The following FSD1L variants were observed in gnomAD, a reference collection of about 807,000 sequenced individuals.
FSD1L encodes fibronectin type III and SPRY domain containing 1 like, also known as FSD1-like protein.
FSD1L carries 45 observed loss-of-function variants against 71.6 expected under a neutral mutation model. The observed-to-expected ratio is 0.63, with a 90% confidence interval of 0.49 to 0.81. The LOEUF is 0.81. FSD1L is among the 30% of genes least tolerant of loss of function. The pLI, the probability that FSD1L is intolerant of heterozygous loss-of-function variation, is 0.00. For synonymous variants in FSD1L, 197 were observed against 207.2 expected, an observed-to-expected ratio of 0.95 and a Z score of 0.42; for missense variants, 561 against 618.1, an observed-to-expected ratio of 0.91 and a Z score of 0.98.
chr9:105,465,681 A>G (rs753852408), intron 3 of FSD1L, among the ~76,000 whole-genome samples: 8 of 152,234 alleles, frequency 5.3e-5, no homozygotes, highest in Non-Finnish European at 1.0e-4. Flanking sequence ...TAGATGCAGA[A>G]AAAGAATTTG....
At chr9:105,492,607 G>A (rs1001907103) in intron 7 of FSD1L, among the ~76,000 whole-genome samples, 1 of 152,040 alleles carries the variant, frequency 6.6e-6, no homozygotes, top group Non-Finnish European at 1.5e-5. Context: ...GTGAATTTTG[G>A]ATCTTTTCTG....
At chr9:105,519,014 A>G (rs1422492418) in intron 10 of FSD1L, among the ~76,000 whole-genome samples, 1 of 152,234 alleles carries the variant, frequency 6.6e-6, no homozygotes, top group Non-Finnish European at 1.5e-5. Flanking sequence ...CTACCATCAG[A>G]GAATATTATA....
upstream of FSD1L, among the ~76,000 whole-genome samples, chr9:105,443,239 T>G (rs577042366): frequency 6.6e-6 from 1 of 152,380 alleles, no homozygotes; most frequent in South Asian, 2.1e-4. Flanking sequence ...AGAGGTTTAA[T>G]GGACTCACAG....
At chr9:105,460,308 A>G (rs1466227601) in intron 1 of FSD1L, among the ~76,000 whole-genome samples, 2 of 152,152 alleles carry the variant, frequency 1.3e-5, no homozygotes, top group Non-Finnish European at 2.9e-5. Flanking sequence ...GATTAACTGT[A>G]ATCGCTGGGA....
intron 7 of FSD1L, among the ~76,000 whole-genome samples, chr9:105,490,211 A>G (rs1367691168): frequency 3.9e-5 from 6 of 152,176 alleles, no homozygotes; most frequent in Admixed American, 6.5e-5. Flanking sequence ...CTGGTGTGAG[A>G]TGGTATCTCA....
At chr9:105,490,251 G>A (rs529272915) in intron 7 of FSD1L, among the ~76,000 whole-genome samples, 1,799 of 152,226 alleles carry the variant, frequency 0.012, 52 homozygotes, top group African/African-American at 0.042. Context: ...TTCTCTGATG[G>A]CCAGTGATGG....
At chr9:105,485,778 G>T (rs1201937581) in intron 7 of FSD1L, among the ~76,000 whole-genome samples, 1 of 151,768 alleles carries the variant, frequency 6.6e-6, no homozygotes, top group African/African-American at 2.4e-5. Context: ...CAAGTAGCTG[G>T]GACTACAGGC....
At position 105,520,611 on chromosome 9, in the gene FSD1L, G is replaced by C; in HGVS notation, c.1025+7675G>C. 1.9e-6 allele frequency: 3 copies of C among 1,569,766 alleles called. No homozygotes were observed. In the South Asian group the frequency reaches 3.3e-5, roughly 17 times the overall value. On this transcript the variant is annotated intron_variant, in intron 10 of 13. Coordinates refer to ENST00000481272, the MANE Select transcript of FSD1L (RefSeq NM_001145313.3). ...TTTAAAGAAGCTACTTCACACAGGA[G>C]ACTCCTTAAAGATTAGGCGGGAAGG...
At position 105,548,019 on chromosome 9, in the gene FSD1L, GTT is replaced by G. The variant is rs886938376; in HGVS notation, c.*1539_*1540del. 2 of 152,038 alleles carry G rather than the reference GTT, an allele frequency of 1.3e-5. No homozygotes were observed. Among genetic ancestry groups the G allele is most frequent in the African/African-American group, 4.8e-5 (2 of 41,414 alleles). 9.4% of individuals were successfully genotyped at this position (152,038 alleles called of 1,614,324 possible). A position where few individuals can be genotyped will look rare whatever the true frequency, so the allele number is the denominator to read the frequency against. Reference sequence around the variant, plus strand: ...AAAATTTACTGCCCACTGATAGGATGTTTTGTTTCCTTGATAAAACAAATGTA... The same window carrying G: ...AAAATTTACTGCCCACTGATAGGATGTTGTTTCCTTGATAAAACAAATGTA... On this transcript the variant is annotated 3_prime_UTR_variant, in exon 14 of 14. Coordinates refer to ENST00000481272, the MANE Select transcript of FSD1L (RefSeq NM_001145313.3).
chr9:105,549,571 T>C lies in FSD1L; in HGVS notation c.*3088T>C, dbSNP rs1021044380. 9 of 152,036 alleles carry C rather than the reference T, an allele frequency of 5.9e-5. No individual in the cohort carries two copies. The highest frequency in any genetic ancestry group is 2.2e-4 in the African/African-American group (9 of 41,448). 9.4% of individuals were successfully genotyped at this position (152,036 alleles called of 1,614,324 possible). A position where few individuals can be genotyped will look rare whatever the true frequency, so the allele number is the denominator to read the frequency against. On this transcript the variant is annotated 3_prime_UTR_variant, in exon 14 of 14. Coordinates refer to ENST00000481272, the MANE Select transcript of FSD1L (RefSeq NM_001145313.3). ...TGACAAATCGTGAACTGCTGCTGTA[T>C]GGCTAGACTTTGCCTATTTACTCTG...
intron 10 of FSD1L, chr9:105,520,074 C>T (rs916025638): frequency 1.9e-6 from 3 of 1,556,750 alleles, no homozygotes; most frequent in Non-Finnish European, 8.7e-7. Flanking sequence ...CCACTTTCTG[C>T]CGCTGGGAGC....
chr9:105,478,850 G>C (rs553403298), intron 5 of FSD1L, among the ~76,000 whole-genome samples: 49 of 152,296 alleles, frequency 3.2e-4, no homozygotes, highest in African/African-American at 1.1e-3. Context: ...GTATTTGTTA[G>C]CAGGCAAACT....
chr9:105,534,955 G>T, intron 11 of FSD1L, 112 bp from the exon 12 acceptor site: 1 of 982,920 alleles, frequency 1.0e-6, no homozygotes. Flanking sequence ...ATTCTTATAG[G>T]AAAAGTACTT....
intron 7 of FSD1L, among the ~76,000 whole-genome samples, chr9:105,495,552 G>T (rs1243572405): frequency 6.6e-6 from 1 of 152,206 alleles, no homozygotes; most frequent in Non-Finnish European, 1.5e-5. Flanking sequence ...GATGAACCCG[G>T]TACCTCAGAT....
At chr9:105,468,837 G>A (rs1177948464) in intron 4 of FSD1L, among the ~76,000 whole-genome samples, 1 of 152,058 alleles carries the variant, frequency 6.6e-6, no homozygotes, top group Non-Finnish European at 1.5e-5. Flanking sequence ...TACAGTTGAT[G>A]GTGTTAAATA....
chr9:105,532,114 G>T (rs1835931440), intron 10 of FSD1L, among the ~76,000 whole-genome samples: 1 of 152,134 alleles, frequency 6.6e-6, no homozygotes, highest in South Asian at 2.1e-4. Flanking sequence ...TCAGCACATG[G>T]TTTAAACACC....
intron 10 of FSD1L, among the ~76,000 whole-genome samples, chr9:105,516,199 TTA>T (rs1233023094): frequency 1.3e-5 from 2 of 152,296 alleles, no homozygotes; most frequent in East Asian, 3.9e-4. Context: ...AGTCAGGGAC[TTA>T]TAGATAAAAC....
At chr9:105,543,908 T>C (rs1486484487) in intron 13 of FSD1L, among the ~76,000 whole-genome samples, 1 of 152,232 alleles carries the variant, frequency 6.6e-6, no homozygotes, top group Non-Finnish European at 1.5e-5. Flanking sequence ...TGCATGTGTC[T>C]TTATAGCAGC....
At chr9:105,507,735 C>T (rs914328360) in intron 8 of FSD1L, among the ~76,000 whole-genome samples, 2 of 151,920 alleles carry the variant, frequency 1.3e-5, no homozygotes, top group African/African-American at 4.8e-5. Context: ...TAAATTGTAC[C>T]ATCTCTCTCT....
Sources: gnomAD v4.1 joint callset for allele counts (sites outside exome capture counted in the v4.1 genomes callset) on GRCh38, gnomAD v4.1.1 for gene constraint, MANE v1.5 for transcripts, NCBI Gene and HGNC (gene_info 2026-07-23, HGNC 2026-07-21) for gene names.